The following VPS13B variants were observed in gnomAD, a reference collection of about 807,000 sequenced individuals.
VPS13B encodes the protein vacuolar protein sorting 13 homolog B.
A neutral mutation model predicts 426.4 loss-of-function variants in VPS13B; 285 were observed. That is an observed-to-expected ratio of 0.67 (90% CI 0.61 to 0.74). The LOEUF (loss-of-function observed/expected upper bound fraction) is 0.74, where lower values mean the gene tolerates loss of function less well. Ranked by LOEUF, VPS13B falls within the 30% of genes least tolerant of loss-of-function variation. VPS13B has a pLI of 0.00. For missense variants in VPS13B, 4,537 were observed against 4,782.6 expected, an observed-to-expected ratio of 0.95 and a Z score of 1.51; for synonymous variants, 1,676 against 1,676.4, an observed-to-expected ratio of 1.00 and a Z score of 0.01.
intron 5 of VPS13B, among the ~76,000 whole-genome samples, chr8:99,109,873 G>A (rs937991308): frequency 1.1e-4 from 16 of 152,138 alleles, no homozygotes; most frequent in Non-Finnish European, 2.1e-4. Flanking sequence ...AAGACTTAGT[G>A]TAGTATCTGA....
chr8:99,819,807 G>C (rs994962686), intron 48 of VPS13B, 114 bp from the exon 49 acceptor site: 2 of 1,356,572 alleles, frequency 1.5e-6, no homozygotes, highest in Admixed American at 1.9e-5. Context: ...GAAAGATTCT[G>C]GTATGAGGAG....
chr8:99,146,545 T>C (rs987465650), intron 13 of VPS13B, among the ~76,000 whole-genome samples: 20 of 152,196 alleles, frequency 1.3e-4, no homozygotes, highest in African/African-American at 4.8e-4. Context: ...TTTACATATA[T>C]CTCTAATGGA....
chr8:99,134,880 A>C, intron 9 of VPS13B, 135 bp from the exon 10 acceptor site: 1 of 1,226,884 alleles, frequency 8.2e-7, no homozygotes, highest in Non-Finnish European at 1.1e-6. Flanking sequence ...GATAGTATAA[A>C]TAAATAGTAT....
intron 25 of VPS13B, among the ~76,000 whole-genome samples, chr8:99,496,603 A>G (rs762921127): frequency 2.0e-4 from 31 of 152,076 alleles, no homozygotes; most frequent in Admixed American, 2.6e-4. Context: ...GTGAGCCAAG[A>G]TCTCGCCACT....
intron 19 of VPS13B, among the ~76,000 whole-genome samples, chr8:99,337,222 A>G (rs1369682905): frequency 6.6e-6 from 1 of 152,114 alleles, no homozygotes; most frequent in Non-Finnish European, 1.5e-5. Flanking sequence ...AGGGACATGG[A>G]TGAAATTGGA....
chr8:99,050,865 A>G (rs183009315), intron 3 of VPS13B, among the ~76,000 whole-genome samples: 3 of 152,228 alleles, frequency 2.0e-5, no homozygotes, highest in Non-Finnish European at 4.4e-5. Flanking sequence ...TGCTTTGCCC[A>G]CTTTTTGATG....
intron 19 of VPS13B, among the ~76,000 whole-genome samples, chr8:99,279,506 C>A (rs539938547): frequency 1.7e-5 from 1 of 57,706 alleles, no homozygotes; most frequent in East Asian, 2.9e-4. Flanking sequence ...GTAATCCACC[C>A]GCCTTGGCCT....
At chr8:99,204,311 G>A (rs1814548649) in intron 17 of VPS13B, among the ~76,000 whole-genome samples, 1 of 152,198 alleles carries the variant, frequency 6.6e-6, no homozygotes, top group East Asian at 1.9e-4. Flanking sequence ...GCCTTATGCA[G>A]AAAACTGAAA....
At chr8:99,591,558 A>G (rs1806706754) in intron 33 of VPS13B, among the ~76,000 whole-genome samples, 2 of 152,018 alleles carry the variant, frequency 1.3e-5, no homozygotes, top group Non-Finnish European at 2.9e-5. Flanking sequence ...TGGTGACAAA[A>G]TCTCTCAGCA....
At chr8:99,195,828 C>T (rs1044290241) in intron 17 of VPS13B, among the ~76,000 whole-genome samples, 23 of 152,164 alleles carry the variant, frequency 1.5e-4, no homozygotes, top group Admixed American at 1.3e-3. Context: ...GTTCTTTCCC[C>T]ATTGTATATT....
chr8:99,278,245 G>C (rs1818995406), intron 19 of VPS13B, among the ~76,000 whole-genome samples: 1 of 152,128 alleles, frequency 6.6e-6, no homozygotes, highest in South Asian at 2.1e-4. Flanking sequence ...ACCAGCAAAT[G>C]TTGCAGATGT....
chr8:99,092,737 A>G (rs990643046), intron 3 of VPS13B, among the ~76,000 whole-genome samples: 6 of 152,046 alleles, frequency 3.9e-5, no homozygotes, highest in African/African-American at 1.4e-4. Context: ...CCTAACCATA[A>G]TTAAGAAAGA....
At chr8:99,505,261 T>G (rs1588445296) in intron 27 of VPS13B, among the ~76,000 whole-genome samples, 1 of 152,190 alleles carries the variant, frequency 6.6e-6, no homozygotes. Flanking sequence ...CACTTTCAAT[T>G]TTCTTCAAGA....
chr8:99,515,370 T>G (rs1588453752), intron 29 of VPS13B, among the ~76,000 whole-genome samples: 1 of 151,492 alleles, frequency 6.6e-6, no homozygotes, highest in African/African-American at 2.4e-5. Flanking sequence ...AAGCTGCTGC[T>G]GCTGCTGCTG....
chr8:99,782,965 T>C (rs182208484), intron 42 of VPS13B, among the ~76,000 whole-genome samples: 10 of 152,210 alleles, frequency 6.6e-5, no homozygotes. Flanking sequence ...AGATGGATGA[T>C]GTGAGAGGGC....
intron 36 of VPS13B, among the ~76,000 whole-genome samples, chr8:99,706,127 G>A (rs890299412): frequency 2.6e-5 from 4 of 152,056 alleles, no homozygotes; most frequent in Admixed American, 6.6e-5. Flanking sequence ...GAAATGATGT[G>A]TAAAAGAACA....
intron 39 of VPS13B, among the ~76,000 whole-genome samples, chr8:99,738,833 C>CG (rs546445761): frequency 5.8e-4 from 88 of 152,240 alleles, no homozygotes; most frequent in African/African-American, 1.9e-3. Flanking sequence ...AAGAACCTGT[C>CG]TATCGAGGGT....
At chr8:99,032,620 C>G (rs1286892051) in intron 2 of VPS13B, among the ~76,000 whole-genome samples, 1 of 150,740 alleles carries the variant, frequency 6.6e-6, no homozygotes, top group African/African-American at 2.4e-5. Context: ...AGCTCCGCCT[C>G]CCGGGTTCAC....
rs117731866 is a variant in VPS13B at position 99,746,496 on chromosome 8, C to T, written c.7051-20278C>T. On this transcript the variant is annotated intron_variant, in intron 39 of 61. Coordinates refer to ENST00000357162, the MANE Select transcript of VPS13B (RefSeq NM_152564.5). Reference sequence around the variant, plus strand: ...CACTAGGAAGGAGGAGGCATCCTGCCGTTATTGAGCAAGTTCTGTGCGCCA... The same window carrying T: ...CACTAGGAAGGAGGAGGCATCCTGCTGTTATTGAGCAAGTTCTGTGCGCCA... Among the ~76,000 whole-genome samples, 442 of 152,242 alleles carry T rather than the reference C, an allele frequency of 2.9e-3. 6 individuals are homozygous for T. The highest frequency in any genetic ancestry group is 0.018 in the South Asian group (86 of 4,822).
Sources: gnomAD v4.1 joint callset for allele counts (sites outside exome capture counted in the v4.1 genomes callset) on GRCh38, gnomAD v4.1.1 for gene constraint, MANE v1.5 for transcripts, NCBI Gene and HGNC (gene_info 2026-07-23, HGNC 2026-07-21) for gene names.